Variants in PSMF1 observed in about 807,000 individuals in gnomAD.
The protein encoded by PSMF1 is proteasome inhibitor PI31 subunit.
A neutral mutation model predicts 29.3 loss-of-function variants in PSMF1; 30 were observed. The observed-to-expected ratio is 1.02, with a 90% CI of 0.77 to 1.39. The LOEUF (loss-of-function observed/expected upper bound fraction) is 1.39. PSMF1 is among the 40% of genes most tolerant of loss of function. The probability of loss-of-function intolerance (pLI) is 0.00; values close to 1 mark genes in which losing one functional copy is unlikely to be tolerated. For missense variants in PSMF1, 344 were observed against 357.5 expected, an observed-to-expected ratio of 0.96 and a Z score of 0.31; for synonymous variants, 134 against 139.7, an observed-to-expected ratio of 0.96 and a Z score of 0.29.
At chr20:1,128,647 T>C (rs1030773673) in intron 3 of PSMF1, among the ~76,000 whole-genome samples, 10 of 152,352 alleles carry the variant, frequency 6.6e-5, no homozygotes, top group Non-Finnish European at 1.0e-4. Flanking sequence ...GTTTTATATA[T>C]AGTTAAGCTG....
At chr20:1,113,934 G>A (rs1336560459), upstream of PSMF1, among the ~76,000 whole-genome samples, 2 of 151,784 alleles carry the variant, frequency 1.3e-5, no homozygotes, top group African/African-American at 4.8e-5. Context: ...CTCGTGATCC[G>A]CCCGCCTCAG....
chr20:1,144,025 T>C (rs1001156705), intron 4 of PSMF1, among the ~76,000 whole-genome samples: 1 of 151,952 alleles, frequency 6.6e-6, no homozygotes, highest in Non-Finnish European at 1.5e-5. Context: ...GAGGCGGAGG[T>C]TGCAGTGAGC....
At chr20:1,134,188 T>C (rs947640553) in intron 3 of PSMF1, among the ~76,000 whole-genome samples, 12 of 152,132 alleles carry the variant, frequency 7.9e-5, no homozygotes, top group African/African-American at 2.9e-4. Flanking sequence ...GTTATTGATT[T>C]GAATTCCTTC....
In PSMF1 at chr20:1,166,685, T is replaced by C. The variant is rs58388416; in HGVS notation, c.*1605T>C. The C allele has an allele frequency of 9.4e-3, 1,811 of 192,926 alleles. 49 individuals carry two copies. The highest frequency in any genetic ancestry group is 0.039 in the African/African-American group (1,713 of 43,626). 12.0% of individuals were successfully genotyped at this position (192,926 alleles called of 1,614,324 possible). ...CAGGGAAGCCAACCACCTTGAAACC[T>C]TTAGAACATCTCTGCTTTGGAGAAA... On this transcript the variant is annotated 3_prime_UTR_variant, in exon 7 of 7. Coordinates refer to ENST00000335877, the MANE Select transcript of PSMF1 (RefSeq NM_006814.5).
In PSMF1 at chr20:1,127,496, G is replaced by T. The variant is rs765895159; in HGVS notation, c.353G>T (p.Gly118Val). ...LDDYIDAEHL[G>V]DFHRTYKNSE... ...GATTATATCGATGCAGAACACCTGG[G>T]TGACTTCCACAGGTACTTCTAAATG... Residue 118 changes from glycine (G) to valine (V), a missense_variant, in exon 3 of 7, where the codon GGT becomes GTT. By Grantham distance (109) the Gly-to-Val change is moderately radical. Coordinates refer to ENST00000335877, the MANE Select transcript of PSMF1 (RefSeq NM_006814.5). 2.5e-6 allele frequency: 4 copies of T among 1,600,594 alleles called. No individual in the cohort carries two copies. The Admixed American group carries it at 5.0e-5, about 20-fold the overall frequency.
intron 3 of PSMF1, among the ~76,000 whole-genome samples, chr20:1,133,569 A>ATATATATATATATTTTTTTT: frequency 6.8e-4 from 36 of 53,288 alleles, no homozygotes; most frequent in South Asian, 2.0e-3. Flanking sequence ...ATATATATAT[A>ATATATATATATATTTTTTTT]TTTTTTTTTT....
chr20:1,138,732 A>G (rs1462343479), intron 4 of PSMF1, among the ~76,000 whole-genome samples: 1 of 151,476 alleles, frequency 6.6e-6, no homozygotes, highest in East Asian at 1.9e-4. Flanking sequence ...TGCTGAGGTG[A>G]AAGGGTCACT....
At chr20:1,145,481 T>G (rs1363906756) in intron 4 of PSMF1, among the ~76,000 whole-genome samples, 1 of 152,140 alleles carries the variant, frequency 6.6e-6, no homozygotes, top group Admixed American at 6.5e-5. Context: ...GGAGGAGATG[T>G]TAGCCAGACA....
intron 4 of PSMF1, 60 bp downstream of exon 4, chr20:1,135,366 T>G (rs1051675610): frequency 6.7e-6 from 10 of 1,496,508 alleles, no homozygotes; most frequent in Non-Finnish European, 9.0e-6. Flanking sequence ...CAGCCAGCTA[T>G]CCCCATCCTG....
At chr20:1,128,824 C>G (rs546693134) in intron 3 of PSMF1, among the ~76,000 whole-genome samples, 1 of 151,940 alleles carries the variant, frequency 6.6e-6, no homozygotes, top group South Asian at 2.1e-4. Context: ...CTCAGCTTCC[C>G]GAGTAACTGG....
chr20:1,132,969 G>GTTTTTTTTTTTTT (rs60189289), intron 3 of PSMF1, among the ~76,000 whole-genome samples: 1 of 134,110 alleles, frequency 7.5e-6, no homozygotes, highest in Non-Finnish European at 1.6e-5. Flanking sequence ...GGGTTTTTTT[G>GTTTTTTTTTTTTT]TTTTTTTTTT....
intron 4 of PSMF1, among the ~76,000 whole-genome samples, chr20:1,159,676 C>G (rs6108729): frequency 2.0e-5 from 3 of 152,214 alleles, no homozygotes; most frequent in Non-Finnish European, 4.4e-5. Context: ...CTGGCACCAC[C>G]TGGTCTGCCT....
intron 1 of PSMF1, among the ~76,000 whole-genome samples, chr20:1,120,020 C>T (rs2086066173): frequency 6.6e-6 from 1 of 152,106 alleles, no homozygotes; most frequent in South Asian, 2.1e-4. Flanking sequence ...TTAGGGACCT[C>T]TCTTCAAACT....
intron 4 of PSMF1, among the ~76,000 whole-genome samples, chr20:1,158,334 T>C (rs921609757): frequency 9.8e-5 from 15 of 152,364 alleles, no homozygotes; most frequent in African/African-American, 3.6e-4. Context: ...TCTGTTCACC[T>C]GCAATGCTAC....
At position 1,127,437 on chromosome 20, in the gene PSMF1, A is replaced by G. The variant is rs1251683654; in HGVS notation, c.294A>G (p.Ser98=). 1 of 1,604,268 alleles carries G rather than the reference A, an allele frequency of 6.2e-7. No homozygotes were observed. The highest frequency in any genetic ancestry group is 8.5e-7 in the Non-Finnish European group (1 of 1,171,070). ...SMILNVLEYG[S]QQVADLTLNL... ...TTTCACCCATCTAGGAATATGGCTC[A>G]CAGCAAGTGGCAGACTTGACCCTGA... is the stretch of plus-strand genomic sequence containing the variant. Residue 98 remains serine (S), a synonymous_variant, in exon 3 of 7, where the codon TCA becomes TCG. Transcript: ENST00000335877.
chr20:1,113,517 T>A (rs2085986531), intron 1 of PSMF1: 1 of 139,414 alleles, frequency 7.2e-6, no homozygotes, highest in African/African-American at 2.7e-5. Context: ...TCCTCCCATT[T>A]GTTCCCATCC....
At chr20:1,146,865 G>A (rs151244653) in intron 4 of PSMF1, among the ~76,000 whole-genome samples, 1 of 152,322 alleles carries the variant, frequency 6.6e-6, no homozygotes, top group East Asian at 1.9e-4. Flanking sequence ...TTGACATTCA[G>A]TAAATATTCA....
At position 1,135,217 on chromosome 20, in the gene PSMF1, C is replaced by G. The variant is rs2086289445; in HGVS notation, c.462C>G (p.Pro154=). The change falls in exon 4 of 7, where the codon CCC becomes CCG. Residue 154 remains proline (P), a synonymous_variant. Transcript: ENST00000335877. ...GGGAAAAGGCTAATGTAAGCAGTCC[C>G]CACCGGGAGTTCCCCCCTGCTACCG... ...EQWEKANVSS[P]HREFPPATAR... is the part of the protein sequence containing the mutation. The G allele has an allele frequency of 3.7e-6, 6 of 1,614,132 alleles. No homozygotes were observed. Among genetic ancestry groups the G allele is most frequent in the Non-Finnish European group, 3.4e-6 (4 of 1,180,006 alleles).
At position 1,172,201 on chromosome 20, in the gene PSMF1, C is replaced by G. The variant is rs1276623922; in HGVS notation, c.*7121C>G. The stretch of plus-strand genomic sequence containing the variant: ...GCCCAGGTTTGCCCACAAATGTGCT[C>G]TGACTGGCGTGCATGTTATTAAATT... On this transcript the variant is annotated 3_prime_UTR_variant, in exon 7 of 7. Coordinates refer to ENST00000335877, the MANE Select transcript of PSMF1 (RefSeq NM_006814.5). Among the ~76,000 whole-genome samples the G allele has an allele frequency of 2.0e-5, 3 of 152,216 alleles. No homozygotes were observed. Among genetic ancestry groups the G allele is most frequent in the African/African-American group, 7.2e-5 (3 of 41,454 alleles).
Sources: allele counts gnomAD v4.1 joint callset (sites outside exome capture counted in the v4.1 genomes callset), GRCh38; gene constraint gnomAD v4.1.1; transcripts MANE v1.5; gene names NCBI Gene and HGNC (gene_info 2026-07-23, HGNC 2026-07-21).